Variants in FRMD3 observed in about 807,000 individuals in gnomAD.
The protein encoded by FRMD3 is FERM domain containing 3.
Under a neutral mutation model 70.2 loss-of-function variants are expected in FRMD3, and 33 were observed. That is an observed-to-expected ratio of 0.47 (90% CI 0.36 to 0.63). FRMD3 has a LOEUF of 0.63. Ranked by LOEUF, FRMD3 falls within the 20% of genes least tolerant of loss-of-function variation. The pLI is 0.00. For missense variants in FRMD3, 632 were observed against 711.4 expected, an observed-to-expected ratio of 0.89 and a Z score of 1.27; for synonymous variants, 279 against 255.9, an observed-to-expected ratio of 1.09 and a Z score of -0.86.
the FRMD3 span, among the ~76,000 whole-genome samples, chr9:83,558,757 G>A: frequency 4.6e-5 from 7 of 152,208 alleles, no homozygotes; most frequent in Non-Finnish European, 8.8e-5. Context: ...ATTCATGGGA[G>A]GAGGTCAAAA....
At chr9:83,366,382 C>A (rs1824786487) in intron 3 of FRMD3, among the ~76,000 whole-genome samples, 1 of 152,108 alleles carries the variant, frequency 6.6e-6, no homozygotes, top group Non-Finnish European at 1.5e-5. Flanking sequence ...GCTAGCCTGA[C>A]CAACATGATG....
At chr9:83,340,742 A>G (rs1333682384) in intron 5 of FRMD3, among the ~76,000 whole-genome samples, 1 of 152,200 alleles carries the variant, frequency 6.6e-6, no homozygotes, top group Non-Finnish European at 1.5e-5. Flanking sequence ...ACAGGCAGCA[A>G]AACTCCAGGT....
chr9:83,496,483 C>A (rs1461454461), intron 1 of FRMD3, among the ~76,000 whole-genome samples: 1 of 152,052 alleles, frequency 6.6e-6, no homozygotes, highest in Non-Finnish European at 1.5e-5. Context: ...AAAAAATCAC[C>A]AAGGAGCATT....
At chr9:83,516,930 C>A (rs921330137) in intron 1 of FRMD3, among the ~76,000 whole-genome samples, 5 of 151,774 alleles carry the variant, frequency 3.3e-5, no homozygotes, top group Non-Finnish European at 4.4e-5. Context: ...CCAATGAGAA[C>A]AGACACAATG....
At chr9:83,415,151 G>A (rs1826394416) in intron 1 of FRMD3, among the ~76,000 whole-genome samples, 2 of 152,214 alleles carry the variant, frequency 1.3e-5, no homozygotes, top group Non-Finnish European at 2.9e-5. Flanking sequence ...AGGGGAGCCA[G>A]GGGAGAAATA....
At position 83,367,411 on chromosome 9, in the gene FRMD3, G is replaced by C. The variant is rs139545589; in HGVS notation, c.295+5502C>G. On this transcript the variant is annotated intron_variant, in intron 3 of 13. Coordinates refer to ENST00000304195, the MANE Select transcript of FRMD3 (RefSeq NM_174938.6). ...CACCCCATCTCTTTCCCTGAATGCA[G>C]CTATAAAACCTGGCAGAATACATGC... 1.8e-4 allele frequency among the ~76,000 whole-genome samples: 28 copies of C among 152,290 alleles called. No homozygotes were observed. The East Asian group carries it at 4.6e-3, about 25-fold the overall frequency.
At chr9:83,313,429 T>C (rs1431358541) in intron 7 of FRMD3, among the ~76,000 whole-genome samples, 3 of 152,166 alleles carry the variant, frequency 2.0e-5, no homozygotes, top group African/African-American at 7.2e-5. Context: ...TGGATGTTAA[T>C]TTAGGAAAAT....
chr9:83,534,379 G>C (rs962703239), intron 1 of FRMD3, among the ~76,000 whole-genome samples: 1 of 152,192 alleles, frequency 6.6e-6, no homozygotes, highest in South Asian at 2.1e-4. Context: ...GAAAGTTTTC[G>C]TTGGCCAAAT....
chr9:83,572,098 G>A, the FRMD3 span, among the ~76,000 whole-genome samples: 10 of 152,058 alleles, frequency 6.6e-5, no homozygotes, highest in Non-Finnish European at 7.4e-5. Flanking sequence ...AATTTTGCTT[G>A]ACAAGGAAGA....
the FRMD3 span, among the ~76,000 whole-genome samples, chr9:83,546,228 G>A: frequency 6.6e-6 from 1 of 152,154 alleles, no homozygotes; most frequent in African/African-American, 2.4e-5. Context: ...ATGGCGGTAA[G>A]CCCCTATAAT....
chr9:83,440,394 T>C (rs1400063150), intron 1 of FRMD3, among the ~76,000 whole-genome samples: 1 of 152,222 alleles, frequency 6.6e-6, no homozygotes, highest in African/African-American at 2.4e-5. Context: ...AGTTTCTGAC[T>C]GGTCCAGTGG....
intron 1 of FRMD3, among the ~76,000 whole-genome samples, chr9:83,523,124 CAATA>C (rs1829613189): frequency 6.6e-6 from 1 of 151,714 alleles, no homozygotes; most frequent in African/African-American, 2.4e-5. Context: ...CAGAGGTATT[CAATA>C]AATGTTTGTT....
At chr9:83,352,507 T>C (rs937349031) in intron 3 of FRMD3, among the ~76,000 whole-genome samples, 3 of 152,200 alleles carry the variant, frequency 2.0e-5, no homozygotes, top group African/African-American at 7.2e-5. Flanking sequence ...CTTGACTATG[T>C]CTGAGTGTAG....
At chr9:83,509,455 G>A (rs1199922202) in intron 1 of FRMD3, among the ~76,000 whole-genome samples, 1 of 152,162 alleles carries the variant, frequency 6.6e-6, no homozygotes, top group African/African-American at 2.4e-5. Flanking sequence ...AAAGAGAATG[G>A]GTAACGTTAT....
In FRMD3 at chr9:83,501,305, C is replaced by T. The variant is rs185467985; in HGVS notation, c.147+36780G>A. Among the ~76,000 whole-genome samples, 5 of 150,718 alleles carry T rather than the reference C, an allele frequency of 3.3e-5. 1 individual carries two copies. Among genetic ancestry groups the T allele is most frequent in the African/African-American group, 1.2e-4 (5 of 41,036 alleles). On this transcript the variant is annotated intron_variant, in intron 1 of 13. Transcript: ENST00000304195. ...CGAGACTCCATCTCAAAAAAAAAAACTACACTTCTTTGCATATAGCAGGAA... is the reference window on the plus strand; with the variant it reads ...CGAGACTCCATCTCAAAAAAAAAAATTACACTTCTTTGCATATAGCAGGAA...
At chr9:83,555,853 C>T in the FRMD3 span, among the ~76,000 whole-genome samples, 2 of 152,186 alleles carry the variant, frequency 1.3e-5, no homozygotes, top group Non-Finnish European at 2.9e-5. Context: ...AGTGGGTTCA[C>T]AGGGAGATCT....
chr9:83,273,966 C>A (rs1004169408), intron 13 of FRMD3, among the ~76,000 whole-genome samples: 1 of 152,006 alleles, frequency 6.6e-6, no homozygotes, highest in African/African-American at 2.4e-5. Context: ...TGTAAGTACA[C>A]GCCATCAAAT....
intron 1 of FRMD3, among the ~76,000 whole-genome samples, chr9:83,505,074 G>A (rs950182242): frequency 6.6e-6 from 1 of 152,156 alleles, no homozygotes; most frequent in Admixed American, 6.5e-5. Flanking sequence ...TCTGTGCCAT[G>A]TGTCTATGCC....
At chr9:83,281,792 C>T (rs771005934) in intron 13 of FRMD3, among the ~76,000 whole-genome samples, 12 of 152,174 alleles carry the variant, frequency 7.9e-5, no homozygotes, top group Non-Finnish European at 1.3e-4. Context: ...GCAACACACT[C>T]GGTCCCCAGC....
Sources: gnomAD v4.1 joint callset for allele counts (sites outside exome capture counted in the v4.1 genomes callset) on GRCh38, gnomAD v4.1.1 for gene constraint, MANE v1.5 for transcripts, NCBI Gene and HGNC (gene_info 2026-07-23, HGNC 2026-07-21) for gene names.